Variants in TNIP3 observed in about 807,000 individuals in gnomAD.
TNIP3 encodes the protein TNFAIP3-interacting protein 3.
A neutral mutation model predicts 54.1 loss-of-function variants in TNIP3; 34 were observed. That is an observed-to-expected ratio of 0.63 (90% confidence interval 0.48 to 0.84). The LOEUF (loss-of-function observed/expected upper bound fraction) is 0.84, where lower values mean the gene tolerates loss of function less well. TNIP3 is among the 40% of genes least tolerant of loss of function. The pLI is 0.00. For synonymous variants in TNIP3, 134 were observed against 136.8 expected (o/e 0.98, Z 0.14); for missense variants, 366 against 387.6 (o/e 0.94, Z 0.47).
intron 2 of TNIP3, 60 bp from the exon 3 acceptor site, chr4:121,158,812 C>A (rs879014455): frequency 7.3e-7 from 1 of 1,372,516 alleles, no homozygotes; most frequent in South Asian, 1.2e-5. Context: ...GAAGTTTGGT[C>A]AAAAAGAAAT....
At chr4:121,134,712 G>A (rs1728676150) in intron 10 of TNIP3, among the ~76,000 whole-genome samples, 1 of 152,188 alleles carries the variant, frequency 6.6e-6, no homozygotes, top group Admixed American at 6.5e-5. Context: ...CTGGAAGTCT[G>A]TGCACCATGG....
chr4:121,154,285 A>C (rs1729943744), intron 5 of TNIP3: 4 of 401,936 alleles, frequency 1.0e-5, no homozygotes, highest in Non-Finnish European at 4.5e-6. Flanking sequence ...TCAAACTAAG[A>C]AATGTTCTTA....
chr4:121,142,800 G>T, intron 7 of TNIP3, 24 bp from the exon 8 acceptor site: 3 of 1,599,832 alleles, frequency 1.9e-6, no homozygotes, highest in South Asian at 1.1e-5. Context: ...AAAGGCATTT[G>T]TTAATCAAGA....
At chr4:121,191,250 G>C (rs114694883) in intron 2 of TNIP3, among the ~76,000 whole-genome samples, 1 of 152,134 alleles carries the variant, frequency 6.6e-6, no homozygotes, top group Non-Finnish European at 1.5e-5. Context: ...TATGAACAAG[G>C]CTGAGCCCCT....
Position 121,157,136 on chromosome 4 carries a change from G to C in TNIP3, c.321C>G (p.Asp107Glu). 1 of 1,613,622 alleles carries C rather than the reference G, an allele frequency of 6.2e-7. No individual in the cohort carries two copies. The highest frequency in any genetic ancestry group is 2.2e-5 in the East Asian group (1 of 44,878). Reference sequence around the variant, plus strand: ...GGTCCCGGGTCAGGTCGCGCTGCCTGTCGTCCTCTCTCTGCCTGTCGTCCT... The same window carrying C: ...GGTCCCGGGTCAGGTCGCGCTGCCTCTCGTCCTCTCTCTGCCTGTCGTCCT... ...QRKDDRQRED[D>E]RQRDLTRDRL... Residue 107 changes from aspartate to glutamate, a missense_variant, in exon 4 of 11, where the codon GAC becomes GAG. By Grantham distance (45) the Asp-to-Glu change is conservative. Transcript: ENST00000057513.
In TNIP3 at chr4:121,145,008, A is replaced by G. The variant is rs543077605; in HGVS notation, c.735+2041T>C. Among the ~76,000 whole-genome samples, 4 of 152,304 alleles carry G rather than the reference A, an allele frequency of 2.6e-5. No individual in the cohort carries two copies. In the South Asian group the frequency reaches 6.2e-4, roughly 24 times the overall value. On this transcript the variant is annotated intron_variant, in intron 7 of 10. Coordinates refer to ENST00000057513, the MANE Select transcript of TNIP3 (RefSeq NM_024873.6). ...TCTCATATTTCTAAGTACCCTAAGC[A>G]TCTTTCACTTTACCACATTACTTAT...
In TNIP3 at chr4:121,132,569, A is replaced by G; in HGVS notation, c.*62T>C. On this transcript the variant is annotated 3_prime_UTR_variant, in exon 11 of 11. Transcript: ENST00000057513. ...CAGAAACAAGCCTCAGTATAAACAAAGAAGAGGGTCCTCAGCCACGCTCCC... is the reference window on the plus strand; with the variant it reads ...CAGAAACAAGCCTCAGTATAAACAAGGAAGAGGGTCCTCAGCCACGCTCCC... The G allele has an allele frequency of 6.7e-7, 1 of 1,491,592 alleles. No individual in the cohort carries two copies. The highest frequency in any genetic ancestry group is 9.3e-7 in the Non-Finnish European group (1 of 1,071,114). 92.4% of individuals were successfully genotyped at this position (1,491,592 alleles called of 1,614,324 possible).
intron 1 of TNIP3, among the ~76,000 whole-genome samples, chr4:121,225,363 G>A (rs1230901518): frequency 6.6e-6 from 1 of 152,104 alleles, no homozygotes; most frequent in Non-Finnish European, 1.5e-5. Flanking sequence ...TCTTGGTCAT[G>A]TTTTCAAATA....
intron 8 of TNIP3, among the ~76,000 whole-genome samples, chr4:121,142,151 C>T (rs902857135): frequency 1.3e-5 from 2 of 152,140 alleles, no homozygotes; most frequent in African/African-American, 4.8e-5. Context: ...AAATTAGACA[C>T]ACTTGAAAAG....
rs1728851575 is a variant in TNIP3, at chr4:121,137,401, T to C, written c.946+1223A>G. 3 of 152,204 alleles carry C rather than the reference T, an allele frequency of 2.0e-5. No individual in the cohort carries two copies. In the South Asian group the frequency reaches 6.2e-4, roughly 32 times the overall value. The allele number at this position is 152,204 out of a possible 1,614,324, so 9.4% of individuals were successfully genotyped here. A position where few individuals can be genotyped will look rare whatever the true frequency, so the allele number is the denominator to read the frequency against. ...AACTCAAGAACTTCATTAAAACCAC[T>C]GGCTATATTTGTAGTAGAAAGCAAA... On this transcript the variant is annotated intron_variant, in intron 10 of 10. Transcript: ENST00000057513.
At chr4:121,143,344 G>A (rs1007916010) in intron 7 of TNIP3, among the ~76,000 whole-genome samples, 1 of 152,092 alleles carries the variant, frequency 6.6e-6, no homozygotes, top group African/African-American at 2.4e-5. Flanking sequence ...CCTACCCTGG[G>A]TTCCCTTAAC....
At chr4:121,218,888 A>G (rs948170607), upstream of TNIP3, among the ~76,000 whole-genome samples, 2 of 152,144 alleles carry the variant, frequency 1.3e-5, no homozygotes, top group Non-Finnish European at 2.9e-5. Context: ...TCTGAGAACC[A>G]AAAGATTTAC....
intron 9 of TNIP3, 97 bp from the exon 10 acceptor site, chr4:121,138,781 G>T: frequency 8.7e-7 from 1 of 1,145,830 alleles, no homozygotes; most frequent in Non-Finnish European, 1.3e-6. Flanking sequence ...TATTAAGCAG[G>T]CAACACAAAA....
chr4:121,224,788 T>G (rs1727189002), intron 1 of TNIP3, among the ~76,000 whole-genome samples: 2 of 152,180 alleles, frequency 1.3e-5, no homozygotes, highest in South Asian at 4.1e-4. Flanking sequence ...TGTTTTGCCT[T>G]TCGTAATTTA....
At chr4:121,168,146 C>T (rs1730865387), upstream of TNIP3, among the ~76,000 whole-genome samples, 1 of 152,096 alleles carries the variant, frequency 6.6e-6, no homozygotes, top group Non-Finnish European at 1.5e-5. Context: ...CCACAAAAGC[C>T]TAGAGACTTC....
chr4:121,153,499 A>G (rs530163764), intron 5 of TNIP3, among the ~76,000 whole-genome samples: 7 of 152,312 alleles, frequency 4.6e-5, no homozygotes, highest in Admixed American at 3.9e-4. Context: ...AAAAAAAGGG[A>G]AAAGATAGAT....
intron 4 of TNIP3, among the ~76,000 whole-genome samples, chr4:121,156,116 C>G (rs1730069597): frequency 6.6e-6 from 1 of 152,162 alleles, no homozygotes; most frequent in South Asian, 2.1e-4. Flanking sequence ...GTTTTCCTGA[C>G]TCACTGTGAC....
chr4:121,154,500 T>C, intron 5 of TNIP3, 51 bp downstream of exon 5: 1 of 1,606,852 alleles, frequency 6.2e-7, no homozygotes, highest in Non-Finnish European at 8.5e-7. Flanking sequence ...GTAAGAATGT[T>C]TTATGCAGGG....
chr4:121,175,432 T>C (rs537056760), intron 3 of TNIP3, among the ~76,000 whole-genome samples: 4 of 152,316 alleles, frequency 2.6e-5, no homozygotes, highest in African/African-American at 9.6e-5. Context: ...TCACTTCAAG[T>C]CTTGGTTGCT....
Sources: allele counts gnomAD v4.1 joint callset (sites outside exome capture counted in the v4.1 genomes callset), GRCh38; gene constraint gnomAD v4.1.1; transcripts MANE v1.5; gene names NCBI Gene and HGNC (gene_info 2026-07-23, HGNC 2026-07-21).